The following PROK2 variants were observed in gnomAD, a reference collection of about 807,000 sequenced individuals.
PROK2 encodes the protein prokineticin 2.
In PROK2, 8 loss-of-function variants were observed where a neutral mutation model predicts 14.2. That is an observed-to-expected ratio of 0.56 (90% confidence interval 0.33 to 1.02). The LOEUF (loss-of-function observed/expected upper bound fraction) is 1.02, where lower values mean the gene tolerates loss of function less well. PROK2 is among the 50% of genes least tolerant of loss of function. PROK2 has a pLI of 0.03. For missense variants in PROK2, 154 were observed against 160.4 expected, an observed-to-expected ratio of 0.96 and a Z score of 0.22; for synonymous variants, 59 against 60.7, an observed-to-expected ratio of 0.97 and a Z score of 0.13.
chr3:71,782,151 G>A (rs992999361), intron 1 of PROK2, among the ~76,000 whole-genome samples: 18 of 152,280 alleles, frequency 1.2e-4, no homozygotes, highest in African/African-American at 4.3e-4. Flanking sequence ...GAGACTTGAC[G>A]TTTCTCACAC....
intron 1 of PROK2, among the ~76,000 whole-genome samples, chr3:71,781,823 T>C (rs1182864588): frequency 1.3e-5 from 2 of 152,196 alleles, no homozygotes; most frequent in East Asian, 3.9e-4. Flanking sequence ...GCCCCTGGAT[T>C]ATGAAAATCT....
At chr3:71,773,026 C>A (rs1345656144) in intron 3 of PROK2, among the ~76,000 whole-genome samples, 198 bp from the exon 4 acceptor site, 1 of 152,198 alleles carries the variant, frequency 6.6e-6, no homozygotes, top group African/African-American at 2.4e-5. Flanking sequence ...GTCGTCCAGG[C>A]TGGAGTGCAG....
At chr3:71,780,359 T>A (rs187159371) in intron 2 of PROK2, among the ~76,000 whole-genome samples, 1 of 152,360 alleles carries the variant, frequency 6.6e-6, no homozygotes, top group Admixed American at 6.5e-5. Flanking sequence ...AAATATTAAC[T>A]GTTCTCTGGG....
In PROK2 at chr3:71,773,937, A is replaced by G. The variant is rs145232410; in HGVS notation, c.285+508T>C. On this transcript the variant is annotated intron_variant, in intron 3 of 3. Transcript: ENST00000295619. ...TATTTTCCCTCCCCTAAGCAATAGC[A>G]CCTTCCTGAGAATCTGCCTGTCTTA... 1.9e-4 allele frequency among the ~76,000 whole-genome samples: 29 copies of G among 152,290 alleles called. 1 individual carries two copies.
chr3:71,784,810 T>C lies in PROK2; in HGVS notation c.96+147A>G, dbSNP rs796923145. 6.7e-6 allele frequency: 4 copies of C among 596,826 alleles called. No homozygotes were observed. In the South Asian group the frequency reaches 2.7e-4, roughly 40 times the overall value. The allele number at this position is 596,826 out of a possible 1,614,324, so 37.0% of individuals were successfully genotyped here. A position where few individuals can be genotyped will look rare whatever the true frequency, so the allele number is the denominator to read the frequency against. On this transcript the variant is annotated intron_variant, in intron 1 of 3. Transcript: ENST00000295619. ...TTTTGGATCTGGGTATTTTCCCAAG[T>C]GCACCAAGGGGCGACAGGGGCAGGT... is the stretch of plus-strand genomic sequence containing the variant.
At chr3:71,781,956 G>A (rs2050164048) in intron 1 of PROK2, among the ~76,000 whole-genome samples, 1 of 151,944 alleles carries the variant, frequency 6.6e-6, no homozygotes, top group South Asian at 2.1e-4. Flanking sequence ...ATGGCCATTA[G>A]GAACTACATA....
chr3:71,784,484 T>G (rs763757225), intron 1 of PROK2, among the ~76,000 whole-genome samples: 15 of 152,304 alleles, frequency 9.8e-5, no homozygotes, highest in Non-Finnish European at 1.9e-4. Context: ...GGAGGACGCA[T>G]CGGGGAGCAA....
chr3:71,772,474 AC>A lies in PROK2; in HGVS notation c.*249del, dbSNP rs749017856. The A allele has an allele frequency of 2.1e-4, 92 of 440,490 alleles. No individual in the cohort carries two copies. The highest frequency in any genetic ancestry group is 3.3e-4 in the Non-Finnish European group (82 of 248,532). 27.3% of individuals were successfully genotyped at this position (440,490 alleles called of 1,614,324 possible). A position where few individuals can be genotyped will look rare whatever the true frequency, so the allele number is the denominator to read the frequency against. ...ACATTTAAGAAAAAAGCCAAATCAA[AC>A]CAAAACACAAACAGGGAAATAAGAA... On this transcript the variant is annotated 3_prime_UTR_variant, in exon 4 of 4. Transcript: ENST00000295619.
intron 1 of PROK2, among the ~76,000 whole-genome samples, chr3:71,784,309 A>G (rs1231062668): frequency 6.6e-6 from 1 of 152,218 alleles, no homozygotes; most frequent in Non-Finnish European, 1.5e-5. Flanking sequence ...ATTATGCTGG[A>G]GCACTGGAGG....
chr3:71,775,979 C>T (rs2050114545), intron 2 of PROK2, among the ~76,000 whole-genome samples: 2 of 152,114 alleles, frequency 1.3e-5, no homozygotes, highest in South Asian at 2.1e-4. Flanking sequence ...GCAGGCAAAA[C>T]GTAACTCACA....
intron 1 of PROK2, among the ~76,000 whole-genome samples, chr3:71,783,423 T>C (rs35805239): frequency 0.098 from 14,908 of 152,252 alleles, 1,151 homozygotes; most frequent in African/African-American, 0.22. Context: ...AACTATATAA[T>C]AAGCCCAGTC....
At chr3:71,778,507 C>T (rs1253338836) in intron 2 of PROK2, among the ~76,000 whole-genome samples, 1 of 151,804 alleles carries the variant, frequency 6.6e-6, no homozygotes, top group Admixed American at 6.6e-5. Context: ...CAGTTTCAGT[C>T]ATCAAATACT....
chr3:71,776,774 G>A (rs779689712), intron 2 of PROK2, among the ~76,000 whole-genome samples: 18 of 152,242 alleles, frequency 1.2e-4, no homozygotes, highest in Admixed American at 7.9e-4. Flanking sequence ...GTGTGACAAA[G>A]CTAACAGGCG....
At chr3:71,776,500 T>C (rs1483082188) in intron 2 of PROK2, among the ~76,000 whole-genome samples, 1 of 150,576 alleles carries the variant, frequency 6.6e-6, no homozygotes, top group African/African-American at 2.4e-5. Flanking sequence ...ACCTCAGCCT[T>C]CCACGTAGCT....
At chr3:71,774,637 C>T in intron 2 of PROK2, 130 bp from the exon 3 acceptor site, 2 of 1,269,144 alleles carry the variant, frequency 1.6e-6, no homozygotes, top group East Asian at 5.2e-5. Context: ...GTTCCTCTGT[C>T]CTTTTGCTAT....
At chr3:71,784,898 C>T (rs1230916812) in intron 1 of PROK2, 59 bp downstream of exon 1, 17 of 1,198,610 alleles carry the variant, frequency 1.4e-5, no homozygotes, top group African/African-American at 7.9e-5. Flanking sequence ...CCGTCCCAAG[C>T]CCCCTGGGCA....
chr3:71,777,848 CT>C (rs11309477), intron 2 of PROK2, among the ~76,000 whole-genome samples: 17,545 of 144,276 alleles, frequency 0.12, 1,296 homozygotes, highest in Admixed American at 0.2. Flanking sequence ...GTTGTTTTGT[CT>C]TTTTTTTTTT....
intron 2 of PROK2, among the ~76,000 whole-genome samples, chr3:71,779,268 G>A (rs2050143607): frequency 1.3e-5 from 2 of 152,198 alleles, no homozygotes; most frequent in Non-Finnish European, 1.5e-5. Flanking sequence ...GACTGCTTTC[G>A]CGGAGGCAGA....
Position 71,781,572 on chromosome 3 carries a change from T to C in PROK2, c.117A>G (p.Gln39=), listed in dbSNP as rs772138817. Reference sequence around the variant, plus strand: ...CAGCACAGCACATGCCTCCACCACATTGGGAGTCCTTGTCACAAGCCTGAA... The same window carrying C: ...CAGCACAGCACATGCCTCCACCACACTGGGAGTCCTTGTCACAAGCCTGAA... The part of the protein sequence containing the change: ...VITGACDKDS[Q]CGGGMCCAVS... Residue 39 remains glutamine (Q), a synonymous_variant, in exon 2 of 4, where the codon CAA becomes CAG. Transcript: ENST00000295619. 2 of 1,611,592 alleles carry C rather than the reference T, an allele frequency of 1.2e-6. No individual in the cohort carries two copies. The highest frequency in any genetic ancestry group is 1.7e-6 in the Non-Finnish European group (2 of 1,177,746).
Sources: allele counts gnomAD v4.1 joint callset (sites outside exome capture counted in the v4.1 genomes callset), GRCh38; gene constraint gnomAD v4.1.1; transcripts MANE v1.5; gene names NCBI Gene and HGNC (gene_info 2026-07-23, HGNC 2026-07-21).